The following ZNF536 variants were observed in gnomAD, a reference collection of about 807,000 sequenced individuals.
ZNF536 encodes the protein zinc finger protein 536.
A neutral mutation model predicts 84.5 loss-of-function variants in ZNF536; 13 were observed. That is an observed-to-expected ratio of 0.15 (90% CI 0.10 to 0.24). ZNF536 has a LOEUF of 0.24. Among genes scored for constraint, ZNF536 ranks in the 10% least tolerant of loss-of-function variants. The pLI is 1.00. For missense variants in ZNF536, 1,536 were observed against 1,747.5 expected (o/e 0.88, Z 2.16); for synonymous variants, 811 against 742.5 (o/e 1.09, Z -1.50).
intron 2 of ZNF536, among the ~76,000 whole-genome samples, chr19:30,469,142 C>T (rs896604725): frequency 2.6e-5 from 4 of 152,128 alleles, no homozygotes; most frequent in Admixed American, 6.5e-5. Flanking sequence ...TGACCGGGCA[C>T]GGTAGCTCAC....
Position 30,322,667 on chromosome 19 carries a change from T to C in ZNF536, c.-119-29701T>C, listed in dbSNP as rs545474036. Reference sequence around the variant, plus strand: ...CATCAATGCTTTGTAGCTGAAACAATGCATGTTTTGGAGCTCACAGTAAGT... The same window carrying C: ...CATCAATGCTTTGTAGCTGAAACAACGCATGTTTTGGAGCTCACAGTAAGT... On this transcript the variant is annotated intron_variant, in intron 2 of 5. Transcript: ENST00000585628. 3.3e-5 allele frequency among the ~76,000 whole-genome samples: 5 copies of C among 152,286 alleles called. No homozygotes were observed. The South Asian group carries it at 1.0e-3, about 32-fold the overall frequency.
At chr19:30,534,287 A>G (rs1254326635) in intron 2 of ZNF536, among the ~76,000 whole-genome samples, 2 of 152,180 alleles carry the variant, frequency 1.3e-5, no homozygotes, top group Admixed American at 6.5e-5. Context: ...TCTCCCTTTC[A>G]TGAGATTACA....
Position 30,702,473 on chromosome 19 carries a change from C to T in ZNF536, c.170-8284C>T, listed in dbSNP as rs181961402. 4.6e-5 allele frequency among the ~76,000 whole-genome samples: 7 copies of T among 152,262 alleles called. No individual in the cohort carries two copies. The East Asian group carries it at 1.4e-3, about 29-fold the overall frequency. On this transcript the variant is annotated intron_variant, in intron 1 of 1. Coordinates refer to the ZNF536 transcript ENST00000592773. Reference sequence around the variant, plus strand: ...GTGGGGCGGGCAGTTGGGGGGGCCCCCATCTGGCCACACCACCAGGGCTCT... The same window carrying T: ...GTGGGGCGGGCAGTTGGGGGGGCCCTCATCTGGCCACACCACCAGGGCTCT...
intron 2 of ZNF536, among the ~76,000 whole-genome samples, chr19:30,480,237 G>A (rs951033156): frequency 2.0e-5 from 3 of 152,092 alleles, no homozygotes; most frequent in Non-Finnish European, 2.9e-5. Flanking sequence ...ATCCATCTCA[G>A]GCTCCCGTGG....
chr19:30,347,729 C>A (rs1238048404), intron 2 of ZNF536, among the ~76,000 whole-genome samples: 1 of 152,280 alleles, frequency 6.6e-6, no homozygotes, highest in African/African-American at 2.4e-5. Context: ...ACACCCAGAA[C>A]GAATCCTCCC....
chr19:30,516,037 A>AG (rs1396152155), intron 2 of ZNF536, among the ~76,000 whole-genome samples: 1 of 151,598 alleles, frequency 6.6e-6, no homozygotes, highest in African/African-American at 2.4e-5. Flanking sequence ...AAAAAAAAAA[A>AG]AAAAAGAAAA....
chr19:30,364,295 G>A (rs1343794045), intron 3 of ZNF536, among the ~76,000 whole-genome samples: 4 of 152,222 alleles, frequency 2.6e-5, no homozygotes, highest in Non-Finnish European at 2.9e-5. Context: ...GGAGGCTGAG[G>A]TGGGCAGATC....
In ZNF536 at chr19:30,557,902, TTG is replaced by T. The variant is rs1434273941; in HGVS notation, c.*740_*741del. 2.0e-5 allele frequency: 3 copies of T among 152,642 alleles called. No individual in the cohort carries two copies. The highest frequency in any genetic ancestry group is 2.9e-5 in the Non-Finnish European group (2 of 68,034). 9.5% of individuals were successfully genotyped at this position (152,642 alleles called of 1,614,324 possible). A position where few individuals can be genotyped will look rare whatever the true frequency, so the allele number is the denominator to read the frequency against. On this transcript the variant is annotated 3_prime_UTR_variant, in exon 5 of 5. Coordinates refer to ENST00000355537, the MANE Select transcript of ZNF536 (RefSeq NM_014717.3). ...AATGAAGGCATGTAAGTTATAATAA[TTG>T]TAGCTTTCTGAATAAGTGTCAAACT...
rs546436487 is a variant in ZNF536, at chr19:30,289,340, T to C, written c.-120+5199T>C. 3.3e-5 allele frequency among the ~76,000 whole-genome samples: 5 copies of C among 152,386 alleles called. No homozygotes were observed. The East Asian group carries it at 7.7e-4, about 23-fold the overall frequency. On this transcript the variant is annotated intron_variant, in intron 2 of 5. Coordinates refer to the ZNF536 transcript ENST00000585628. ...TCTTGCTGATAAATTACATGTGTAA[T>C]TGTACCATCGTAACCACTGCTAGTC...
At position 30,637,481 on chromosome 19, in the gene ZNF536, A is replaced by G. The variant is rs566082122; in HGVS notation, c.170-73276A>G. Among the ~76,000 whole-genome samples, 6 of 152,312 alleles carry G rather than the reference A, an allele frequency of 3.9e-5. 1 individual carries two copies. The highest frequency in any genetic ancestry group is 9.6e-5 in the African/African-American group (4 of 41,560). On this transcript the variant is annotated intron_variant, in intron 1 of 1. Transcript: ENST00000592773. ...TTGCAACTCTCTGCCTTTTCAAATT[A>G]TACCCTTCTATAGACTCAAATTGGG...
intron 1 of ZNF536, among the ~76,000 whole-genome samples, chr19:30,395,751 A>G (rs1331052563): frequency 6.6e-6 from 1 of 152,212 alleles, no homozygotes; most frequent in African/African-American, 2.4e-5. Flanking sequence ...TTATCACTTT[A>G]ATGCAAGTTA....
At chr19:30,659,541 A>G (rs1444068587) in intron 1 of ZNF536, among the ~76,000 whole-genome samples, 3 of 150,264 alleles carry the variant, frequency 2.0e-5, no homozygotes, top group Non-Finnish European at 4.4e-5. Context: ...AGAGGTTTAA[A>G]GGACTCACAG....
chr19:30,241,653 C>T (rs1285323254), intron 1 of ZNF536, among the ~76,000 whole-genome samples: 2 of 152,180 alleles, frequency 1.3e-5, no homozygotes, highest in Non-Finnish European at 2.9e-5. Flanking sequence ...CCATGGGGAG[C>T]GGGCTTCCTA....
At chr19:30,619,331 G>A (rs2048403542) in intron 1 of ZNF536, among the ~76,000 whole-genome samples, 2 of 152,094 alleles carry the variant, frequency 1.3e-5, no homozygotes, top group Non-Finnish European at 2.9e-5. Flanking sequence ...GTGATGCTTA[G>A]CATTTGCTAC....
chr19:30,348,448 G>A (rs185418762), intron 2 of ZNF536, among the ~76,000 whole-genome samples: 1 of 152,194 alleles, frequency 6.6e-6, no homozygotes, highest in Non-Finnish European at 1.5e-5. Context: ...CTTACGTGCT[G>A]AGGTCCTTGA....
intron 2 of ZNF536, among the ~76,000 whole-genome samples, chr19:30,351,891 T>C (rs539218918): frequency 2.0e-5 from 3 of 152,324 alleles, no homozygotes; most frequent in Admixed American, 1.3e-4. Flanking sequence ...TGGGTCTGGA[T>C]TGCAAAGGGG....
At chr19:30,458,852 C>T (rs759617814) in intron 2 of ZNF536, among the ~76,000 whole-genome samples, 1 of 152,178 alleles carries the variant, frequency 6.6e-6, no homozygotes, top group East Asian at 1.9e-4. Context: ...TCTCATTTCC[C>T]GTGGGCCCCC....
At chr19:30,269,363 C>T (rs1328809692) in intron 1 of ZNF536, among the ~76,000 whole-genome samples, 4 of 152,096 alleles carry the variant, frequency 2.6e-5, no homozygotes, top group African/African-American at 9.7e-5. Context: ...CTGGAAGTTG[C>T]ACCAGGGATA....
intron 1 of ZNF536, among the ~76,000 whole-genome samples, chr19:30,587,251 A>T (rs1444707867): frequency 6.6e-6 from 1 of 152,200 alleles, no homozygotes; most frequent in Non-Finnish European, 1.5e-5. Context: ...GGATCTCAGC[A>T]GAGAAATTAA....
Sources: allele counts gnomAD v4.1 joint callset (sites outside exome capture counted in the v4.1 genomes callset), GRCh38; gene constraint gnomAD v4.1.1; transcripts MANE v1.5; gene names NCBI Gene and HGNC (gene_info 2026-07-23, HGNC 2026-07-21).